DNAH14: variants seen among roughly 807,000 people sequenced by gnomAD.
The protein encoded by DNAH14 is dynein axonemal heavy chain 14, also known as axonemal beta dynein heavy chain 14.
In DNAH14, 478 loss-of-function variants were observed where a neutral mutation model predicts 520.9. The observed-to-expected ratio is 0.92, with a 90% CI of 0.85 to 0.99. The LOEUF (loss-of-function observed/expected upper bound fraction) is 0.99, where lower values mean the gene tolerates loss of function less well. Among genes scored for constraint, DNAH14 ranks in the 50% least tolerant of loss-of-function variants. The pLI, the probability that DNAH14 is intolerant of heterozygous loss-of-function variation, is 0.00. For synonymous variants in DNAH14, 1,581 were observed against 1,757.2 expected (o/e 0.90, Z 2.51); for missense variants, 4,831 against 5,234.5 (o/e 0.92, Z 2.38).
At chr1:225,355,752 T>C (rs2095422772) in intron 73 of DNAH14, among the ~76,000 whole-genome samples, 1 of 152,188 alleles carries the variant, frequency 6.6e-6, no homozygotes, top group South Asian at 2.1e-4. Flanking sequence ...TCATTTAATC[T>C]TCATAATAAT....
intron 10 of DNAH14, among the ~76,000 whole-genome samples, chr1:225,012,807 C>T (rs1336333756): frequency 2.0e-5 from 3 of 152,098 alleles, no homozygotes; most frequent in African/African-American, 4.8e-5. Context: ...TTTTTCAGCT[C>T]CGTCAGGTCA....
chr1:225,080,809 T>C, intron 19 of DNAH14, 61 bp downstream of exon 19: 1 of 1,442,744 alleles, frequency 6.9e-7, no homozygotes, highest in East Asian at 2.5e-5. Flanking sequence ...CCTTTGGACA[T>C]CAAGAGCATT....
chr1:225,357,512 C>A (rs531888055), intron 73 of DNAH14, among the ~76,000 whole-genome samples: 1 of 152,278 alleles, frequency 6.6e-6, no homozygotes, highest in Admixed American at 6.5e-5. Flanking sequence ...CTCAACGATT[C>A]TAACACTGTC....
intron 21 of DNAH14, among the ~76,000 whole-genome samples, chr1:225,091,109 A>G (rs2074350233): frequency 6.6e-6 from 1 of 152,182 alleles, no homozygotes; most frequent in South Asian, 2.1e-4. Flanking sequence ...GAATGGATCT[A>G]TGATTCATTG....
At position 225,392,417 on chromosome 1, in the gene DNAH14, C is replaced by T; in HGVS notation, c.13457C>T (p.Pro4486Leu). The change falls in exon 84 of 86, where the codon CCA becomes CTA. Residue 4486 changes from proline to leucine, a missense_variant. Physicochemically the swap from Pro to Leu is moderately conservative, Grantham distance 98 (BLOSUM62 -3). Transcript: ENST00000682510. ...DKDEKFSVFM[P>L]KKLNIVRRAF... ...GATGAGAAGTTCTCCGTATTTATGC[C>T]AAAGAAACTCAACATAGTCAGGAGA... 6.4e-7 allele frequency: 1 copy of T among 1,551,930 alleles called. No homozygotes were observed. Among genetic ancestry groups the T allele is most frequent in the Non-Finnish European group, 8.7e-7 (1 of 1,147,066 alleles).
chr1:225,311,208 G>A (rs186433596), intron 60 of DNAH14, among the ~76,000 whole-genome samples: 1 of 152,232 alleles, frequency 6.6e-6, no homozygotes, highest in East Asian at 1.9e-4. Flanking sequence ...GTAATGATAA[G>A]CTTTTTTTTC....
intron 21 of DNAH14, among the ~76,000 whole-genome samples, chr1:225,087,988 A>G (rs2148635981): frequency 6.6e-6 from 1 of 152,336 alleles, no homozygotes; most frequent in South Asian, 2.1e-4. Flanking sequence ...TGGAATAACC[A>G]GTCCTGAATT....
chr1:225,228,007 G>A (rs559366290), intron 41 of DNAH14, among the ~76,000 whole-genome samples: 19 of 152,068 alleles, frequency 1.2e-4, no homozygotes, highest in Middle Eastern at 3.2e-3. Context: ...TAGTGTCATG[G>A]TATTAAGGAG....
intron 27 of DNAH14, among the ~76,000 whole-genome samples, chr1:225,133,181 CTCTGATGAT>C (rs913061438): frequency 1.3e-5 from 2 of 152,142 alleles, no homozygotes; most frequent in African/African-American, 4.8e-5. Context: ...TGTTTGTTCA[CTCTGATGAT>C]AGTTTCTTTT....
rs1368139254 is a variant in DNAH14 at position 225,374,731 on chromosome 1, G to A, written c.12362G>A (p.Ser4121Asn). 1.3e-6 allele frequency: 2 copies of A among 1,551,028 alleles called. No homozygotes were observed. Among genetic ancestry groups the A allele is most frequent in the African/African-American group, 1.4e-5 (1 of 73,140 alleles). Reference sequence around the variant, plus strand: ...GAAAATTCCCTGAGAGGACAGCCCAGCATTTCGTGGCAAGCACTGCGCTAC... The same window carrying A: ...GAAAATTCCCTGAGAGGACAGCCCAACATTTCGTGGCAAGCACTGCGCTAC... ...VLENSLRGQP[S>N]ISWQALRYLI... The change falls in exon 78 of 86, where the codon AGC becomes AAC. Residue 4121 changes from serine (S) to asparagine (N), a missense_variant. By Grantham distance (46) the Ser-to-Asn change is conservative (BLOSUM62 1). Transcript: ENST00000682510.
chr1:225,246,159 G>T (rs759263154), intron 43 of DNAH14, among the ~76,000 whole-genome samples: 4 of 150,612 alleles, frequency 2.7e-5, no homozygotes, highest in Non-Finnish European at 5.9e-5. Flanking sequence ...ATGGTGTTGG[G>T]AAAACTGGCT....
intron 60 of DNAH14, among the ~76,000 whole-genome samples, chr1:225,318,058 A>G (rs911731420): frequency 3.9e-5 from 6 of 152,246 alleles, no homozygotes; most frequent in African/African-American, 1.4e-4. Context: ...CAGCCACTGC[A>G]ACACCTGATG....
At chr1:225,377,543 T>G in intron 79 of DNAH14, 107 bp downstream of exon 79, 2 of 1,132,402 alleles carry the variant, frequency 1.8e-6, no homozygotes, top group South Asian at 3.5e-5. Context: ...ACAGATTGCT[T>G]GAGCTCAGGA....
intron 8 of DNAH14, among the ~76,000 whole-genome samples, chr1:224,992,192 C>T (rs1192306142): frequency 6.6e-6 from 1 of 151,842 alleles, no homozygotes; most frequent in Non-Finnish European, 1.5e-5. Context: ...CTGCTTTGTT[C>T]TTTTTGCCCA....
intron 77 of DNAH14, among the ~76,000 whole-genome samples, chr1:225,371,402 A>C (rs2095617175): frequency 6.6e-6 from 1 of 152,234 alleles, no homozygotes; most frequent in Admixed American, 6.5e-5. Flanking sequence ...GTAAAAACCT[A>C]AAGTAATAGG....
At chr1:225,335,006 A>G (rs2094887812) in intron 66 of DNAH14, among the ~76,000 whole-genome samples, 1 of 149,674 alleles carries the variant, frequency 6.7e-6, no homozygotes, top group African/African-American at 2.5e-5. Context: ...ATATACGCAT[A>G]TATACTTATA....
chr1:225,245,223 TC>T (rs2092214199), intron 43 of DNAH14, among the ~76,000 whole-genome samples: 1 of 152,178 alleles, frequency 6.6e-6, no homozygotes, highest in African/African-American at 2.4e-5. Context: ...TGTTATGATT[TC>T]CTTTCTTTTG....
Position 225,214,208 on chromosome 1 carries a change from G to A in DNAH14, c.6439+6988G>A, listed in dbSNP as rs567834140. ...TGGTTCTGTTTATATGATGGATTAC[G>A]TTTGTTGATTTGCATATGTTGAACC... On this transcript the variant is annotated intron_variant, in intron 41 of 85. Coordinates refer to ENST00000682510, the MANE Select transcript of DNAH14 (RefSeq NM_001367479.1). Among the ~76,000 whole-genome samples, 152 of 152,242 alleles carry A rather than the reference G, an allele frequency of 1.0e-3. 1 individual carries two copies. Among genetic ancestry groups the A allele is most frequent in the African/African-American group, 3.4e-3 (143 of 41,554 alleles).
chr1:225,206,326 C>A, intron 40 of DNAH14, 147 bp downstream of exon 40: 1 of 702,820 alleles, frequency 1.4e-6, no homozygotes, highest in Non-Finnish European at 2.3e-6. Flanking sequence ...TTTGTGTCTC[C>A]CAAAGCCTCA....
Sources: gnomAD v4.1 joint callset for allele counts (sites outside exome capture counted in the v4.1 genomes callset) on GRCh38, gnomAD v4.1.1 for gene constraint, MANE v1.5 for transcripts, NCBI Gene and HGNC (gene_info 2026-07-23, HGNC 2026-07-21) for gene names.